The following DPYD variants were observed in gnomAD, a reference collection of about 807,000 sequenced individuals.
DPYD encodes dihydropyrimidine dehydrogenase [NADP(+)].
In DPYD, 109 loss-of-function variants were observed where a neutral mutation model predicts 116.2. The ratio of observed to expected loss-of-function variants is 0.94; its 90% CI spans 0.80 to 1.10. DPYD has a LOEUF of 1.10. Ranked by LOEUF, DPYD falls within the 50% of genes least tolerant of loss-of-function variation. The pLI, the probability that DPYD is intolerant of heterozygous loss-of-function variation, is 0.00. For missense variants in DPYD, 1,302 were observed against 1,254.5 expected (o/e 1.04, Z -0.57); for synonymous variants, 440 against 432.0 (o/e 1.02, Z -0.23).
chr1:97,500,102 G>A (rs529824409), intron 13 of DPYD, among the ~76,000 whole-genome samples: 108 of 151,966 alleles, frequency 7.1e-4, no homozygotes, highest in African/African-American at 2.3e-3. Context: ...TTATTGAAAT[G>A]AAAAGTTAAA....
At chr1:97,626,862 T>C (rs1271546679) in intron 8 of DPYD, among the ~76,000 whole-genome samples, 2 of 152,110 alleles carry the variant, frequency 1.3e-5, no homozygotes, top group African/African-American at 4.8e-5. Flanking sequence ...TTCTTTTTTT[T>C]CCACAAGGGA....
intron 6 of DPYD, among the ~76,000 whole-genome samples, chr1:97,692,517 A>T (rs1312291621): frequency 1.3e-5 from 2 of 152,224 alleles, no homozygotes; most frequent in East Asian, 3.8e-4. Context: ...TTTTGTTAAC[A>T]ATTAAAAAAG....
intron 5 of DPYD, among the ~76,000 whole-genome samples, chr1:97,710,185 GTTAC>G (rs895948880): frequency 1.3e-5 from 2 of 151,772 alleles, no homozygotes; most frequent in African/African-American, 4.8e-5. Flanking sequence ...AGTTTCTTGA[GTTAC>G]TTAATTAGTG....
chr1:97,526,485 G>C (rs1165368732), intron 12 of DPYD, among the ~76,000 whole-genome samples: 2 of 152,088 alleles, frequency 1.3e-5, no homozygotes, highest in Non-Finnish European at 2.9e-5. Flanking sequence ...GAATCCCTTG[G>C]AGGGGGACTC....
intron 8 of DPYD, among the ~76,000 whole-genome samples, chr1:97,616,779 T>G (rs1330698836): frequency 3.3e-5 from 5 of 152,204 alleles, no homozygotes; most frequent in Admixed American, 6.5e-5. Context: ...TTTCAATTGT[T>G]TATGTTATGT....
chr1:97,312,413 AC>A (rs1290731506), intron 16 of DPYD, among the ~76,000 whole-genome samples: 2 of 151,876 alleles, frequency 1.3e-5, no homozygotes. Flanking sequence ...AATTCCAAAT[AC>A]CTAGCCTAAT....
chr1:97,778,834 CA>C (rs934317638), intron 3 of DPYD, among the ~76,000 whole-genome samples: 2 of 151,852 alleles, frequency 1.3e-5, no homozygotes, highest in Non-Finnish European at 2.9e-5. Flanking sequence ...CAATTTTCCT[CA>C]AAAAAAATCT....
In DPYD at chr1:97,540,356, A is replaced by G. The variant is rs894513454; in HGVS notation, c.1524+9204T>C. On this transcript the variant is annotated intron_variant, in intron 12 of 22. Coordinates refer to ENST00000370192, the MANE Select transcript of DPYD (RefSeq NM_000110.4). ...TGGGGGGTGGGGGTGGCGGCGGGGCAGGGAACAAAACAAAACAAAACAAAA... is the reference window on the plus strand; with the variant it reads ...TGGGGGGTGGGGGTGGCGGCGGGGCGGGGAACAAAACAAAACAAAACAAAA... 1.2e-4 allele frequency among the ~76,000 whole-genome samples: 15 copies of G among 125,070 alleles called. No individual in the cohort carries two copies. In the East Asian group the frequency reaches 3.0e-3, roughly 25 times the overall value. The allele number at this position is 125,070 out of a possible 152,430, so 82.1% of individuals were successfully genotyped here.
chr1:97,515,403 TC>T (rs1339228826), intron 13 of DPYD, among the ~76,000 whole-genome samples: 4 of 151,946 alleles, frequency 2.6e-5, no homozygotes, highest in African/African-American at 9.7e-5. Context: ...TGTGTCCCTA[TC>T]TTTGAGCTGA....
chr1:97,619,027 A>G (rs1398135914), intron 8 of DPYD, among the ~76,000 whole-genome samples: 7 of 152,110 alleles, frequency 4.6e-5, no homozygotes, highest in Non-Finnish European at 1.0e-4. Context: ...TTTTGTTTCT[A>G]TTTGATGTGG....
At chr1:97,353,439 G>T (rs1570578837) in intron 16 of DPYD, among the ~76,000 whole-genome samples, 2 of 152,070 alleles carry the variant, frequency 1.3e-5, no homozygotes, top group Admixed American at 1.3e-4. Flanking sequence ...CCTCGGTGGG[G>T]TTTTTTCCCC....
chr1:97,244,888 T>G (rs1262075566), intron 18 of DPYD, among the ~76,000 whole-genome samples: 1 of 152,108 alleles, frequency 6.6e-6, no homozygotes, highest in Admixed American at 6.6e-5. Flanking sequence ...ACTCAGTTTC[T>G]TCCTTGCTAT....
intron 12 of DPYD, among the ~76,000 whole-genome samples, chr1:97,518,298 T>TA (rs1423923380): frequency 1.3e-5 from 2 of 152,106 alleles, no homozygotes; most frequent in Admixed American, 1.3e-4. Flanking sequence ...TAATATAATC[T>TA]AAAATCTTCA....
At chr1:97,673,808 G>C (rs2100903285) in intron 8 of DPYD, among the ~76,000 whole-genome samples, 1 of 152,120 alleles carries the variant, frequency 6.6e-6, no homozygotes, top group Admixed American at 6.6e-5. Context: ...TAAAATAATT[G>C]TATCAAATAG....
intron 20 of DPYD, among the ~76,000 whole-genome samples, chr1:97,173,279 CACACATATATGT>C (rs150039363): frequency 1.8e-4 from 25 of 140,930 alleles, no homozygotes; most frequent in Middle Eastern, 4.0e-3. Flanking sequence ...CATATATATG[CACACATATATGT>C]ACACATATGT....
chr1:97,148,165 G>A (rs1486466526), intron 20 of DPYD, among the ~76,000 whole-genome samples: 1 of 151,780 alleles, frequency 6.6e-6, no homozygotes, highest in Non-Finnish European at 1.5e-5. Context: ...TTTAGTGCCA[G>A]AGGTCTCTGT....
intron 13 of DPYD, among the ~76,000 whole-genome samples, chr1:97,464,950 G>T (rs934638131): frequency 3.9e-5 from 6 of 152,146 alleles, no homozygotes; most frequent in Admixed American, 6.5e-5. Context: ...TGGAAAAGCT[G>T]CAGACACTCA....
chr1:97,173,358 A>G (rs28558822), intron 20 of DPYD, among the ~76,000 whole-genome samples: 1 of 149,686 alleles, frequency 6.7e-6, no homozygotes, highest in Non-Finnish European at 1.5e-5. Context: ...ACATATATGT[A>G]CATATATACA....
chr1:97,484,057 C>T (rs888230889), intron 13 of DPYD, among the ~76,000 whole-genome samples: 1 of 152,160 alleles, frequency 6.6e-6, no homozygotes, highest in Non-Finnish European at 1.5e-5. Flanking sequence ...GTAATCACAG[C>T]ACTTTGGGAG....
Sources: gnomAD v4.1 joint callset for allele counts (sites outside exome capture counted in the v4.1 genomes callset) on GRCh38, gnomAD v4.1.1 for gene constraint, MANE v1.5 for transcripts, NCBI Gene and HGNC (gene_info 2026-07-23, HGNC 2026-07-21) for gene names.